The following HS3ST4 variants were observed in gnomAD, a reference collection of about 807,000 sequenced individuals.
HS3ST4 encodes heparan sulfate-glucosamine 3-sulfotransferase 4, also known as heparan sulfate glucosamine 3-O-sulfotransferase 4.
HS3ST4 carries 17 observed loss-of-function variants against 29.2 expected under a neutral mutation model. The ratio of observed to expected loss-of-function variants is 0.58; its 90% CI spans 0.40 to 0.87. The LOEUF is 0.87. Ranked by LOEUF, HS3ST4 falls within the 40% of genes least tolerant of loss-of-function variation. The pLI, the probability that HS3ST4 is intolerant of heterozygous loss-of-function variation, is 0.00. For synonymous variants in HS3ST4, 314 were observed against 285.7 expected (o/e 1.10, Z -1.00); for missense variants, 627 against 634.5 (o/e 0.99, Z 0.13).
In HS3ST4 at chr16:25,878,786, C is replaced by A. The variant is rs80036381; in HGVS notation, c.734+185635C>A. ...TATTGCCTACAAGATAAAGTCCCAA[C>A]TTTGTATTGCACACAGATTTTTATC... On this transcript the variant is annotated intron_variant, in intron 1 of 1. Transcript: ENST00000331351. Among the ~76,000 whole-genome samples, 5 of 152,298 alleles carry A rather than the reference C, an allele frequency of 3.3e-5. No individual in the cohort carries two copies. In the East Asian group the frequency reaches 9.6e-4, roughly 29 times the overall value.
At chr16:25,822,417 T>C (rs1967168432) in intron 1 of HS3ST4, among the ~76,000 whole-genome samples, 1 of 152,116 alleles carries the variant, frequency 6.6e-6, no homozygotes, top group Admixed American at 6.5e-5. Flanking sequence ...TTTCAACATA[T>C]GAATTTTGGG....
intron 1 of HS3ST4, among the ~76,000 whole-genome samples, chr16:26,097,522 C>G (rs1302202642): frequency 6.6e-6 from 1 of 152,184 alleles, no homozygotes; most frequent in Admixed American, 6.5e-5. Context: ...GGAAAACTGG[C>G]TAGCCATATG....
intron 1 of HS3ST4, among the ~76,000 whole-genome samples, chr16:25,886,246 T>C (rs1488592803): frequency 6.6e-6 from 1 of 152,110 alleles, no homozygotes; most frequent in Non-Finnish European, 1.5e-5. Flanking sequence ...TTGGCCGGGC[T>C]GGTCTTGAAC....
intron 1 of HS3ST4, among the ~76,000 whole-genome samples, chr16:26,035,473 G>T (rs967868691): frequency 6.6e-6 from 1 of 152,192 alleles, no homozygotes; most frequent in Non-Finnish European, 1.5e-5. Flanking sequence ...TGCTAAAGCT[G>T]GTTCTCTTTC....
At chr16:25,876,785 A>G (rs12934064) in intron 1 of HS3ST4, among the ~76,000 whole-genome samples, 88,627 of 151,690 alleles carry the variant, frequency 0.58, 26,289 homozygotes, top group Non-Finnish European at 0.63. Context: ...TGCCTGGAGA[A>G]CTCTACTCAT....
At chr16:25,945,288 T>A (rs558478686) in intron 1 of HS3ST4, among the ~76,000 whole-genome samples, 1 of 152,316 alleles carries the variant, frequency 6.6e-6, no homozygotes, top group South Asian at 2.1e-4. Context: ...TAAATTGCTT[T>A]TTCCCCCCTT....
intron 1 of HS3ST4, among the ~76,000 whole-genome samples, chr16:25,914,007 GTGTGTA>G (rs999950217): frequency 6.6e-6 from 1 of 150,388 alleles, no homozygotes. Context: ...AGGTGTATGT[GTGTGTA>G]TGTGGATGTG....
At chr16:25,924,081 A>C (rs1385740510) in intron 1 of HS3ST4, among the ~76,000 whole-genome samples, 1 of 152,176 alleles carries the variant, frequency 6.6e-6, no homozygotes, top group Non-Finnish European at 1.5e-5. Flanking sequence ...ATGCCCAAAG[A>C]CTAGACTCAT....
intron 1 of HS3ST4, among the ~76,000 whole-genome samples, chr16:26,002,681 T>G (rs1596640948): frequency 9.3e-5 from 9 of 96,516 alleles, no homozygotes; most frequent in South Asian, 3.4e-4. Context: ...GAGAAAGAGA[T>G]AGAGAAAAAA....
At chr16:26,044,270 A>T (rs1898240445) in intron 1 of HS3ST4, among the ~76,000 whole-genome samples, 1 of 152,236 alleles carries the variant, frequency 6.6e-6, no homozygotes. Context: ...AGCTTCAAGG[A>T]GTAGCCAAGG....
chr16:25,714,580 G>A (rs531677317), intron 1 of HS3ST4, among the ~76,000 whole-genome samples: 21 of 152,296 alleles, frequency 1.4e-4, no homozygotes, highest in African/African-American at 5.1e-4. Context: ...CGCTGAGCTG[G>A]GAAGTACTTA....
At chr16:25,873,471 CATCTATCTCTCT>C (rs1221402529) in intron 1 of HS3ST4, among the ~76,000 whole-genome samples, 15,006 of 90,720 alleles carry the variant, frequency 0.17, 938 homozygotes, top group Non-Finnish European at 0.18. Flanking sequence ...CCCACCCATC[CATCTATCTCTCT>C]ATCTATCTAT....
intron 1 of HS3ST4, among the ~76,000 whole-genome samples, chr16:25,913,178 A>T: frequency 6.6e-6 from 1 of 152,228 alleles, no homozygotes; most frequent in Non-Finnish European, 1.5e-5. Flanking sequence ...CTCTTCTGAT[A>T]AATTCCCGGA....
At chr16:25,828,286 T>TTCTTTCTC (rs1967250234) in intron 1 of HS3ST4, among the ~76,000 whole-genome samples, 1 of 80,460 alleles carries the variant, frequency 1.2e-5, no homozygotes. Context: ...CTTTCTTTCT[T>TTCTTTCTC]TCTTTCTTTC....
intron 1 of HS3ST4, among the ~76,000 whole-genome samples, chr16:25,921,930 T>C (rs1342542856): frequency 6.6e-6 from 1 of 152,014 alleles, no homozygotes; most frequent in Non-Finnish European, 1.5e-5. Flanking sequence ...AATTTTTGTA[T>C]TTTTTGTAGA....
intron 1 of HS3ST4, among the ~76,000 whole-genome samples, chr16:25,849,828 ATG>A (rs1403624751): frequency 1.3e-5 from 1 of 76,462 alleles, no homozygotes; most frequent in Non-Finnish European, 3.2e-5. Context: ...AATCTATCAC[ATG>A]TTTTATTAAT....
chr16:26,055,905 C>A (rs1279367706), intron 1 of HS3ST4, among the ~76,000 whole-genome samples: 1 of 152,072 alleles, frequency 6.6e-6, no homozygotes, highest in African/African-American at 2.4e-5. Context: ...TTCTCAATGA[C>A]CTGCTTGTCT....
At chr16:25,787,535 G>A (rs947213526) in intron 1 of HS3ST4, among the ~76,000 whole-genome samples, 1 of 152,196 alleles carries the variant, frequency 6.6e-6, no homozygotes, top group Non-Finnish European at 1.5e-5. Flanking sequence ...CCCTAAATCT[G>A]TTCTTCTAAA....
chr16:26,029,521 T>C (rs183002722), intron 1 of HS3ST4, among the ~76,000 whole-genome samples: 6 of 152,256 alleles, frequency 3.9e-5, no homozygotes, highest in African/African-American at 1.2e-4. Context: ...CAAGTGATTC[T>C]CCTGCCTCAG....
Sources: allele counts gnomAD v4.1 joint callset (sites outside exome capture counted in the v4.1 genomes callset), GRCh38; gene constraint gnomAD v4.1.1; transcripts MANE v1.5; gene names NCBI Gene and HGNC (gene_info 2026-07-23, HGNC 2026-07-21).